LSM14B: variants seen among roughly 807,000 people sequenced by gnomAD.
LSM14B encodes the protein protein LSM14 homolog B.
Under a neutral mutation model 42.1 loss-of-function variants are expected in LSM14B, and 8 were observed. The observed-to-expected ratio is 0.19, with a 90% CI of 0.11 to 0.34. The LOEUF is 0.34. Ranked by LOEUF, LSM14B falls within the 10% of genes least tolerant of loss-of-function variation. LSM14B has a pLI of 1.00. For missense variants in LSM14B, 396 were observed against 513.1 expected (o/e 0.77, Z 2.21); for synonymous variants, 219 against 209.7 (o/e 1.04, Z -0.38).
Position 62,131,410 on chromosome 20 carries a change from C to T in LSM14B, c.890C>T (p.Ala297Val). Residue 297 changes from alanine (A) to valine (V), a missense_variant, in exon 7 of 9, where the codon GCC becomes GTC. Coordinates refer to ENST00000279068, the MANE Select transcript of LSM14B (RefSeq NM_144703.3). Reference sequence around the variant, plus strand: ...GACCTGGCTGTGGTGACCCAGAGTGCCGAAGCGCCCGCTGAGGAAGACCTT... The same window carrying T: ...GACCTGGCTGTGGTGACCCAGAGTGTCGAAGCGCCCGCTGAGGAAGACCTT... ...EKDLAVVTQS[A>V]EAPAEEDLLG... 1 of 1,612,794 alleles carries T rather than the reference C, an allele frequency of 6.2e-7. No individual in the cohort carries two copies. Among genetic ancestry groups the T allele is most frequent in the African/African-American group, 1.3e-5 (1 of 75,038 alleles).
intron 2 of LSM14B, among the ~76,000 whole-genome samples, chr20:62,125,226 G>A (rs1052115968): frequency 2.0e-5 from 3 of 152,238 alleles, no homozygotes. Context: ...TGTCCAGGCT[G>A]TTGCTGCTCT....
Position 62,127,775 on chromosome 20 carries a change from A to G in LSM14B, c.427+1336A>G, listed in dbSNP as rs1000702819. ...GAGCGAGGGGTAAAGCAGCAGACAG[A>G]ATGACAGTAGCTGTAGCAGATCATT... On this transcript the variant is annotated intron_variant, in intron 3 of 8. Coordinates refer to ENST00000279068, the MANE Select transcript of LSM14B (RefSeq NM_144703.3). 6 of 1,057,550 alleles carry G rather than the reference A, an allele frequency of 5.7e-6. No individual in the cohort carries two copies. In the Admixed American group the frequency reaches 1.2e-4, roughly 21 times the overall value. The allele number at this position is 1,057,550 out of a possible 1,614,324, so 65.5% of individuals were successfully genotyped here.
intron 7 of LSM14B, among the ~76,000 whole-genome samples, chr20:62,132,054 T>A (rs545076342): frequency 2.2e-4 from 34 of 152,374 alleles, no homozygotes; most frequent in Admixed American, 1.3e-4. Flanking sequence ...CCATTTGTCC[T>A]GCAGATTGAG....
chr20:62,126,421 G>A lies in LSM14B; in HGVS notation c.409G>A (p.Ala137Thr). ...AASSLLSQQY[A>T]ASLGLGAGFP... The stretch of plus-strand genomic sequence containing the variant: ...CAGCTCCCTGCTCAGCCAGCAGTAT[G>A]CCGCCTCCCTGGGTCTAGGTGAGTG... Residue 137 changes from alanine (A) to threonine (T), a missense_variant, in exon 3 of 9, where the codon GCC becomes ACC. Ala to Thr is a moderately conservative substitution (Grantham distance 58, BLOSUM62 0). Around this residue, in one of 3 missense-constraint regions of LSM14B, gnomAD observed 274 missense variants for 335.8 expected, o/e 0.82. Transcript: ENST00000279068. 2 of 1,609,990 alleles carry A rather than the reference G, an allele frequency of 1.2e-6. No individual in the cohort carries two copies.
chr20:62,128,141 G>C, intron 3 of LSM14B: 1 of 378,782 alleles, frequency 2.6e-6, no homozygotes, highest in South Asian at 2.5e-5. Context: ...GGGCTTGGGT[G>C]ACAGTCGCCA....
At chr20:62,127,165 C>T (rs1296785133) in intron 3 of LSM14B, among the ~76,000 whole-genome samples, 5 of 152,160 alleles carry the variant, frequency 3.3e-5, no homozygotes, top group Non-Finnish European at 5.9e-5. Flanking sequence ...GTAAGTGCCT[C>T]GCTCAAAAAT....
At chr20:62,125,832 G>A (rs1288955181) in intron 2 of LSM14B, among the ~76,000 whole-genome samples, 1 of 152,078 alleles carries the variant, frequency 6.6e-6, no homozygotes, top group Non-Finnish European at 1.5e-5. Flanking sequence ...GGCCGAGGTG[G>A]GCAGATCACC....
In LSM14B at chr20:62,134,331, C is replaced by T. The variant is rs1018448998; in HGVS notation, c.*183C>T. On this transcript the variant is annotated 3_prime_UTR_variant, in exon 9 of 9. Coordinates refer to ENST00000279068, the MANE Select transcript of LSM14B (RefSeq NM_144703.3). ...TTGGACATGGTCTGAGTTAGAACCA[C>T]TTGTTTTGGGGAAGTATTCATGGGT... The T allele has an allele frequency of 1.8e-4, 87 of 471,600 alleles. No homozygotes were observed. The highest frequency in any genetic ancestry group is 1.6e-3 in the African/African-American group (82 of 50,070). The allele number at this position is 471,600 out of a possible 1,614,324, so 29.2% of individuals were successfully genotyped here.
intron 3 of LSM14B, among the ~76,000 whole-genome samples, chr20:62,129,294 A>G (rs2056695784): frequency 6.6e-6 from 1 of 152,230 alleles, no homozygotes; most frequent in Non-Finnish European, 1.5e-5. Context: ...ATTTAACTTC[A>G]GAATTTGTTC....
chr20:62,133,854 G>A (rs970502477), intron 8 of LSM14B, among the ~76,000 whole-genome samples: 7 of 152,344 alleles, frequency 4.6e-5, no homozygotes, highest in East Asian at 3.9e-4. Context: ...TTTTAACCAG[G>A]TCCCAGTGGA....
chr20:62,124,047 G>C (rs2056506891), intron 1 of LSM14B, among the ~76,000 whole-genome samples: 1 of 152,248 alleles, frequency 6.6e-6, no homozygotes, highest in South Asian at 2.1e-4. Flanking sequence ...CTGCTGGTTA[G>C]GGGTTAGTAG....
In LSM14B at chr20:62,130,928, C is replaced by T. The variant is rs1184584749; in HGVS notation, c.835+237C>T. 2.6e-5 allele frequency among the ~76,000 whole-genome samples: 4 copies of T among 152,100 alleles called. No homozygotes were observed. The East Asian group carries it at 7.7e-4, about 29-fold the overall frequency. ...GCGTGGTGGTGGGCGCCTGTAATCCCAGCTACTCGGGAGACTGAGACAGGA... is the reference window on the plus strand; with the variant it reads ...GCGTGGTGGTGGGCGCCTGTAATCCTAGCTACTCGGGAGACTGAGACAGGA... On this transcript the variant is annotated intron_variant, in intron 6 of 8. Transcript: ENST00000279068. This position sits in a 1 kb window ranked among gnomAD's most constrained non-coding sequence, Gnocchi z 4.1.
intron 7 of LSM14B, 135 bp downstream of exon 7, chr20:62,131,641 A>C: frequency 1.7e-6 from 2 of 1,143,218 alleles, no homozygotes; most frequent in South Asian, 2.9e-5. Context: ...GCGTTTCTGC[A>C]TGATGGGTGC....
chr20:62,134,582 C>G lies in LSM14B; in HGVS notation c.*434C>G. 4.4e-6 allele frequency: 1 copy of G among 226,038 alleles called. No homozygotes were observed. The highest frequency in any genetic ancestry group is 8.2e-6 in the Non-Finnish European group (1 of 122,450). The allele number at this position is 226,038 out of a possible 1,614,324, so 14.0% of individuals were successfully genotyped here. A position where few individuals can be genotyped will look rare whatever the true frequency, so the allele number is the denominator to read the frequency against. ...TCTGTAACCCAGCTGGCCCCTGGTGCTGTTGGCCTGGCACCCCACTGCCAA... is the reference window on the plus strand; with the variant it reads ...TCTGTAACCCAGCTGGCCCCTGGTGGTGTTGGCCTGGCACCCCACTGCCAA... On this transcript the variant is annotated 3_prime_UTR_variant, in exon 9 of 9. Coordinates refer to ENST00000279068, the MANE Select transcript of LSM14B (RefSeq NM_144703.3).
In LSM14B at chr20:62,129,906, G is replaced by A. The variant is rs778101728; in HGVS notation, c.549G>A (p.Thr183=). 80 of 1,613,482 alleles carry A rather than the reference G, an allele frequency of 5.0e-5. 2 individuals are homozygous for A. Among genetic ancestry groups the A allele is most frequent in the South Asian group, 4.7e-4 (43 of 91,058 alleles). The change falls in exon 4 of 9, where the codon ACG becomes ACA. Residue 183 remains threonine, a synonymous_variant. Transcript: ENST00000279068. ...TACCTGGCAAGGGCACCACAGGGAC[G>A]CAGCTCAACGGTCGTCAGGCCCAGC... ...KLLPGKGTTG[T]QLNGRQAQPS...
chr20:62,131,545 A>G (rs752289930), intron 7 of LSM14B, 39 bp downstream of exon 7: 15 of 1,604,878 alleles, frequency 9.3e-6, no homozygotes, highest in African/African-American at 1.3e-5. Flanking sequence ...CAGTCCTCCA[A>G]TCTAGAAAGG....
intron 7 of LSM14B, 70 bp downstream of exon 7, chr20:62,131,576 C>T: frequency 1.3e-6 from 2 of 1,572,786 alleles, no homozygotes; most frequent in East Asian, 4.5e-5. Flanking sequence ...GGGCTCTCAA[C>T]CTGAGGGCAG....
At chr20:62,129,652 C>T in intron 3 of LSM14B, 133 bp from the exon 4 acceptor site, 3 of 1,037,474 alleles carry the variant, frequency 2.9e-6, no homozygotes, top group Non-Finnish European at 4.1e-6. Context: ...GGTGCTTTGC[C>T]TGGATTTGAT....
chr20:62,124,541 G>A (rs2056527643), intron 1 of LSM14B, 76 bp from the exon 2 acceptor site: 1 of 1,515,916 alleles, frequency 6.6e-7, no homozygotes, highest in Admixed American at 1.9e-5. Flanking sequence ...CTTTTGGAAG[G>A]CTTGGGAGCA....
Sources: allele counts gnomAD v4.1 joint callset (sites outside exome capture counted in the v4.1 genomes callset), GRCh38; gene constraint gnomAD v4.1.1; regional missense constraint gnomAD v4.1.1; non-coding constraint Gnocchi (gnomAD v3.1); transcripts MANE v1.5; gene names NCBI Gene and HGNC (gene_info 2026-07-23, HGNC 2026-07-21).